Variants in PLXNA4 observed in about 807,000 individuals in gnomAD.
PLXNA4 encodes the protein plexin A4.
Under a neutral mutation model 191.8 loss-of-function variants are expected in PLXNA4, and 44 were observed. The observed-to-expected ratio is 0.23, with a 90% CI of 0.18 to 0.29. PLXNA4 has a LOEUF of 0.29. PLXNA4 is among the 10% of genes least tolerant of loss of function. PLXNA4 has a pLI of 1.00. For synonymous variants in PLXNA4, 1,082 were observed against 1,009.5 expected (o/e 1.07, Z -1.36); for missense variants, 1,800 against 2,488.8 (o/e 0.72, Z 5.89).
Position 132,203,312 on chromosome 7 carries a change from C to T in PLXNA4, c.2395+11G>A. The T allele has an allele frequency of 7.1e-7, 1 of 1,414,026 alleles. No individual in the cohort carries two copies. The highest frequency in any genetic ancestry group is 9.6e-7 in the Non-Finnish European group (1 of 1,040,278). 87.6% of individuals were successfully genotyped at this position (1,414,026 alleles called of 1,614,324 possible). On this transcript the variant is annotated intron_variant, in intron 11 of 31. Transcript: ENST00000321063. ...CCCTCCCTCCCCTGCTAGGCCCCAG[C>T]CCTTCCACACCTTTATTCTGAGCTG...
chr7:132,409,655 G>A (rs1280021001), intron 3 of PLXNA4, among the ~76,000 whole-genome samples: 1 of 152,166 alleles, frequency 6.6e-6, no homozygotes, highest in Non-Finnish European at 1.5e-5. Context: ...AATTACATGG[G>A]ACTGTATCTC....
At chr7:132,425,945 A>G (rs528820299) in intron 3 of PLXNA4, among the ~76,000 whole-genome samples, 84 of 152,296 alleles carry the variant, frequency 5.5e-4, no homozygotes, top group Non-Finnish European at 1.1e-3. Flanking sequence ...GACCCTGCTC[A>G]GTGGCCCCAA....
chr7:132,552,002 A>G (rs937750632), intron 1 of PLXNA4, among the ~76,000 whole-genome samples: 4 of 152,126 alleles, frequency 2.6e-5, no homozygotes, highest in Non-Finnish European at 5.9e-5. Context: ...GGGGGGAAGG[A>G]GAGGAGGGAA....
chr7:132,190,531 A>G (rs1428466084), intron 14 of PLXNA4, among the ~76,000 whole-genome samples: 4 of 152,214 alleles, frequency 2.6e-5, no homozygotes, highest in Non-Finnish European at 4.4e-5. Context: ...GGAGAGGTCC[A>G]GGGCATTTTG....
intron 3 of PLXNA4, among the ~76,000 whole-genome samples, chr7:132,351,651 C>T (rs1803491664): frequency 6.6e-6 from 1 of 152,144 alleles, no homozygotes; most frequent in Non-Finnish European, 1.5e-5. Context: ...GCAACAAAGC[C>T]AACAGGAAGC....
At chr7:132,349,570 T>C (rs1803398241) in intron 3 of PLXNA4, among the ~76,000 whole-genome samples, 1 of 152,206 alleles carries the variant, frequency 6.6e-6, no homozygotes, top group Non-Finnish European at 1.5e-5. Flanking sequence ...GGAAACTTGA[T>C]AAATTCCCAT....
intron 24 of PLXNA4, among the ~76,000 whole-genome samples, chr7:132,161,370 A>G (rs1795944022): frequency 6.6e-6 from 1 of 152,246 alleles, no homozygotes; most frequent in Non-Finnish European, 1.5e-5. Flanking sequence ...AGAAGGACAG[A>G]GCCCCTGGCC....
chr7:132,147,529 A>C (rs1231382549), intron 27 of PLXNA4, among the ~76,000 whole-genome samples: 1 of 152,174 alleles, frequency 6.6e-6, no homozygotes, highest in Non-Finnish European at 1.5e-5. Flanking sequence ...AGTGGCTCTT[A>C]CAAATCATTT....
At chr7:132,228,196 T>C in intron 6 of PLXNA4, 150 bp downstream of exon 6, 1 of 999,558 alleles carries the variant, frequency 1.0e-6, no homozygotes, top group Non-Finnish European at 1.5e-6. Flanking sequence ...GACACTTAAT[T>C]CTTTGATATC....
intron 27 of PLXNA4, among the ~76,000 whole-genome samples, chr7:132,147,670 A>C (rs1795474982): frequency 6.6e-6 from 1 of 152,220 alleles, no homozygotes; most frequent in African/African-American, 2.4e-5. Flanking sequence ...GACATTCATG[A>C]AAGTTGGCTT....
intron 7 of PLXNA4, 40 bp from the exon 8 acceptor site, chr7:132,226,300 G>A: frequency 1.3e-6 from 2 of 1,542,824 alleles, no homozygotes; most frequent in Non-Finnish European, 1.8e-6. Context: ...GAATGCTGAG[G>A]CCCCAAGCCA....
chr7:132,426,320 C>A (rs1795042654), intron 3 of PLXNA4, among the ~76,000 whole-genome samples: 1 of 152,176 alleles, frequency 6.6e-6, no homozygotes, highest in Non-Finnish European at 1.5e-5. Context: ...CTCAGGAACA[C>A]CCCTCCACTG....
At chr7:132,170,857 G>T (rs1337460265) in intron 21 of PLXNA4, among the ~76,000 whole-genome samples, 3 of 152,222 alleles carry the variant, frequency 2.0e-5, no homozygotes, top group East Asian at 1.9e-4. Context: ...TCTCACTGTG[G>T]TGCTGGTCCT....
chr7:132,473,561 T>C (rs1452521144), intron 3 of PLXNA4, among the ~76,000 whole-genome samples: 1 of 152,114 alleles, frequency 6.6e-6, no homozygotes, highest in African/African-American at 2.4e-5. Context: ...TTTCTAAATG[T>C]CAAATAAACA....
chr7:132,312,429 T>C (rs1169700975), intron 3 of PLXNA4, among the ~76,000 whole-genome samples: 1 of 152,126 alleles, frequency 6.6e-6, no homozygotes, highest in East Asian at 1.9e-4. Context: ...ATGTTTCAGA[T>C]GTGAAAACTG....
chr7:132,249,561 G>A (rs952858780), intron 4 of PLXNA4, among the ~76,000 whole-genome samples: 3 of 152,282 alleles, frequency 2.0e-5, no homozygotes, highest in Admixed American at 1.3e-4. Context: ...GCACGTGATC[G>A]TTATTAGCCA....
intron 4 of PLXNA4, among the ~76,000 whole-genome samples, chr7:132,253,245 T>C (rs1263700214): frequency 2.0e-5 from 3 of 149,730 alleles, no homozygotes; most frequent in South Asian, 4.3e-4. Context: ...TTTTTTTTTT[T>C]TTTTTTTTGA....
chr7:132,406,934 C>A (rs961621135), intron 3 of PLXNA4, among the ~76,000 whole-genome samples: 1 of 152,022 alleles, frequency 6.6e-6, no homozygotes, highest in African/African-American at 2.4e-5. Flanking sequence ...GAAAACTCAA[C>A]TTTCTAGGCC....
chr7:132,189,007 A>AAAAG (rs1562908954), intron 14 of PLXNA4, among the ~76,000 whole-genome samples: 1 of 78,536 alleles, frequency 1.3e-5, no homozygotes, highest in Non-Finnish European at 2.7e-5. Flanking sequence ...AGAGAGAGAG[A>AAAAG]GAGAGAGAGA....
Sources: allele counts gnomAD v4.1 joint callset (sites outside exome capture counted in the v4.1 genomes callset), GRCh38; gene constraint gnomAD v4.1.1; transcripts MANE v1.5; gene names NCBI Gene and HGNC (gene_info 2026-07-23, HGNC 2026-07-21).